Variants in MLLT3 observed in about 807,000 individuals in gnomAD.
The protein encoded by MLLT3 is MLLT3 super elongation complex subunit.
In MLLT3, 4 loss-of-function variants were observed where a neutral mutation model predicts 53.2. The ratio of observed to expected loss-of-function variants is 0.08; its 90% confidence interval spans 0.04 to 0.17. MLLT3 has a LOEUF of 0.17. MLLT3 is among the 10% of genes least tolerant of loss of function. MLLT3 has a pLI of 1.00. For synonymous variants in MLLT3, 283 were observed against 230.6 expected, an observed-to-expected ratio of 1.23 and a Z score of -2.06; for missense variants, 569 against 684.0, an observed-to-expected ratio of 0.83 and a Z score of 1.87.
At chr9:20,517,518 C>G (rs1817946061) in intron 2 of MLLT3, among the ~76,000 whole-genome samples, 2 of 151,872 alleles carry the variant, frequency 1.3e-5, no homozygotes, top group African/African-American at 4.8e-5. Context: ...CAAGGTGTGC[C>G]TAGATCATCC....
In MLLT3 at chr9:20,620,607, G is replaced by C; in HGVS notation, c.193+47C>G. ...GCGGGACCGCCCGGGCCAAGCGATT[G>C]TTTCAAAGACATTTTTTATCAAGAC... On this transcript the variant is annotated intron_variant, in intron 2 of 10. Coordinates refer to ENST00000380338, the MANE Select transcript of MLLT3 (RefSeq NM_004529.4). The surrounding 1 kb of genome is among the most constrained non-coding windows in gnomAD (Gnocchi z 6.1). 2 of 1,569,938 alleles carry C rather than the reference G, an allele frequency of 1.3e-6. No homozygotes were observed. The highest frequency in any genetic ancestry group is 2.3e-5 in the East Asian group (1 of 44,036).
chr9:20,362,495 C>T (rs978642746), intron 7 of MLLT3, among the ~76,000 whole-genome samples: 1 of 151,978 alleles, frequency 6.6e-6, no homozygotes, highest in African/African-American at 2.4e-5. Flanking sequence ...GTTATAAGGC[C>T]ATGGGCATAT....
chr9:20,586,576 T>C (rs1175660502), intron 2 of MLLT3, among the ~76,000 whole-genome samples: 2 of 152,120 alleles, frequency 1.3e-5, no homozygotes, highest in Non-Finnish European at 2.9e-5. Context: ...AAGTTAGGTA[T>C]GCAGCTGGGA....
chr9:20,364,929 A>T (rs898468007), intron 6 of MLLT3, among the ~76,000 whole-genome samples: 2 of 152,244 alleles, frequency 1.3e-5, no homozygotes, highest in African/African-American at 4.8e-5. Context: ...AAATGTCTTT[A>T]TTCTGAATTC....
At chr9:20,547,297 G>C (rs1818812947) in intron 2 of MLLT3, among the ~76,000 whole-genome samples, 1 of 151,730 alleles carries the variant, frequency 6.6e-6, no homozygotes. Flanking sequence ...ACCTCCTAAA[G>C]TGCTGGAATT....
Position 20,448,093 on chromosome 9 carries a change from G to T in MLLT3, c.420+30C>A. ...TTTTGTTGTTGTTGTTTTTTAATAGGAATGCTTTTCACAAGAGAGTGCCAC... is the reference window on the plus strand; with the variant it reads ...TTTTGTTGTTGTTGTTTTTTAATAGTAATGCTTTTCACAAGAGAGTGCCAC... On this transcript the variant is annotated intron_variant, in intron 4 of 10. Transcript: ENST00000380338. The surrounding 1 kb of genome is among the most constrained non-coding windows in gnomAD (Gnocchi z 4.0). 1 of 1,581,696 alleles carries T rather than the reference G, an allele frequency of 6.3e-7. No individual in the cohort carries two copies. The highest frequency in any genetic ancestry group is 8.6e-7 in the Non-Finnish European group (1 of 1,167,050).
chr9:20,496,224 C>T (rs1171651997), intron 2 of MLLT3, among the ~76,000 whole-genome samples: 1 of 152,166 alleles, frequency 6.6e-6, no homozygotes, highest in Non-Finnish European at 1.5e-5. Flanking sequence ...TAGAAAAACA[C>T]ACTTTTTTGT....
chr9:20,445,754 T>C (rs912662674), intron 4 of MLLT3, among the ~76,000 whole-genome samples: 3 of 152,184 alleles, frequency 2.0e-5, no homozygotes, highest in African/African-American at 7.2e-5. Context: ...GGTTCAATTA[T>C]TTTTTCCTTT....
intron 2 of MLLT3, among the ~76,000 whole-genome samples, chr9:20,595,652 C>T (rs1404605507): frequency 6.6e-6 from 1 of 152,098 alleles, no homozygotes; most frequent in Non-Finnish European, 1.5e-5. Flanking sequence ...AAAAGATCAG[C>T]AGTAGATGCT....
At chr9:20,453,405 A>G (rs1287257235) in intron 3 of MLLT3, among the ~76,000 whole-genome samples, 2 of 152,118 alleles carry the variant, frequency 1.3e-5, no homozygotes, top group Non-Finnish European at 2.9e-5. Flanking sequence ...TACAAAAATT[A>G]CAAAAATTAG....
At chr9:20,460,410 G>A (rs1490704373) in intron 2 of MLLT3, among the ~76,000 whole-genome samples, 1 of 152,190 alleles carries the variant, frequency 6.6e-6, no homozygotes, top group African/African-American at 2.4e-5. Context: ...AAATTCTCAT[G>A]TTCTATTATA....
intron 3 of MLLT3, among the ~76,000 whole-genome samples, chr9:20,456,347 C>G (rs1257250786): frequency 6.6e-6 from 1 of 151,912 alleles, no homozygotes; most frequent in Non-Finnish European, 1.5e-5. Context: ...CTTTGCAAGC[C>G]TCAAAAAAAT....
At chr9:20,463,263 G>A (rs1563975369) in intron 2 of MLLT3, among the ~76,000 whole-genome samples, 2 of 150,414 alleles carry the variant, frequency 1.3e-5, no homozygotes, top group East Asian at 4.0e-4. Context: ...TATATCCCTG[G>A]CTTCTCTTTC....
Position 20,346,303 on chromosome 9 carries a change from T to C in MLLT3, c.*140A>G, listed in dbSNP as rs1052659909. ...AAGAAAAATAAAGCTGAAGGTTGTT[T>C]GATTTTTATTTTTTCCCTTTTGGTT... On this transcript the variant is annotated 3_prime_UTR_variant, in exon 11 of 11. Coordinates refer to ENST00000380338, the MANE Select transcript of MLLT3 (RefSeq NM_004529.4). 6.3e-5 allele frequency: 57 copies of C among 902,462 alleles called. No individual in the cohort carries two copies. Among genetic ancestry groups the C allele is most frequent in the Non-Finnish European group, 8.9e-5 (56 of 628,206 alleles). The allele number at this position is 902,462 out of a possible 1,614,324, so 55.9% of individuals were successfully genotyped here.
At chr9:20,531,115 C>A (rs1399625979) in intron 2 of MLLT3, among the ~76,000 whole-genome samples, 63 of 132,266 alleles carry the variant, frequency 4.8e-4, no homozygotes, top group Non-Finnish European at 1.7e-4. Context: ...CCCTTTTTCT[C>A]CTCTCTATCC....
chr9:20,549,411 C>G (rs1352386290), intron 2 of MLLT3, among the ~76,000 whole-genome samples: 1 of 152,106 alleles, frequency 6.6e-6, no homozygotes, highest in Non-Finnish European at 1.5e-5. Context: ...TCAAATAGTT[C>G]CTACTAATAA....
At chr9:20,376,009 A>C (rs1411978911) in intron 5 of MLLT3, among the ~76,000 whole-genome samples, 1 of 152,218 alleles carries the variant, frequency 6.6e-6, no homozygotes, top group East Asian at 1.9e-4. Flanking sequence ...ATCAGGCAAC[A>C]CAGTAAAATC....
chr9:20,493,298 A>C (rs1824999026), intron 2 of MLLT3, among the ~76,000 whole-genome samples: 1 of 152,042 alleles, frequency 6.6e-6, no homozygotes. Context: ...TCAAAAAATA[A>C]GTTTCCAGCC....
chr9:20,523,164 A>T (rs1183634711), intron 2 of MLLT3, among the ~76,000 whole-genome samples: 1 of 152,150 alleles, frequency 6.6e-6, no homozygotes, highest in Non-Finnish European at 1.5e-5. Context: ...AATTAAAACA[A>T]CGAGCTATTT....
Sources: gnomAD v4.1 joint callset for allele counts (sites outside exome capture counted in the v4.1 genomes callset) on GRCh38, gnomAD v4.1.1 for gene constraint, Gnocchi (gnomAD v3.1) non-coding constraint, MANE v1.5 for transcripts, NCBI Gene and HGNC (gene_info 2026-07-23, HGNC 2026-07-21) for gene names.